Variants in JAKMIP2 observed in about 807,000 individuals in gnomAD.
The protein encoded by JAKMIP2 is janus kinase and microtubule-interacting protein 2.
In JAKMIP2, 25 loss-of-function variants were observed where a neutral mutation model predicts 115.0. The observed-to-expected ratio is 0.22, with a 90% CI of 0.16 to 0.30. The LOEUF is 0.30. Ranked by LOEUF, JAKMIP2 falls within the 10% of genes least tolerant of loss-of-function variation. JAKMIP2 has a pLI of 1.00. For synonymous variants in JAKMIP2, 334 were observed against 343.6 expected, an observed-to-expected ratio of 0.97 and a Z score of 0.31; for missense variants, 642 against 957.6, an observed-to-expected ratio of 0.67 and a Z score of 4.35.
intron 16 of JAKMIP2, among the ~76,000 whole-genome samples, chr5:147,628,194 T>C (rs1198032135): frequency 6.6e-6 from 1 of 152,160 alleles, no homozygotes; most frequent in Non-Finnish European, 1.5e-5. Context: ...GCTTTATGCA[T>C]TGATTCATGA....
chr5:147,640,042 T>C (rs904816432), intron 9 of JAKMIP2, among the ~76,000 whole-genome samples: 46 of 152,192 alleles, frequency 3.0e-4, no homozygotes, highest in African/African-American at 1.1e-3. Context: ...ATGTAGTCAA[T>C]TTTGGATCCA....
intron 1 of JAKMIP2, among the ~76,000 whole-genome samples, chr5:147,686,311 C>A (rs150029301): frequency 2.3e-3 from 343 of 151,942 alleles, no homozygotes; most frequent in African/African-American, 7.9e-3. Context: ...TTGAATAAAT[C>A]GTTTTTTTGG....
At chr5:147,694,236 C>A (rs551565801) in intron 1 of JAKMIP2, among the ~76,000 whole-genome samples, 13 of 152,222 alleles carry the variant, frequency 8.5e-5, no homozygotes, top group Admixed American at 2.0e-4. Flanking sequence ...TTAGAAAAAA[C>A]CCCTTTAATG....
At chr5:147,700,678 A>G (rs1441814358) in intron 1 of JAKMIP2, among the ~76,000 whole-genome samples, 7 of 152,188 alleles carry the variant, frequency 4.6e-5, no homozygotes, top group African/African-American at 1.7e-4. Flanking sequence ...CCAAGTCTAG[A>G]TTCTCAGCCC....
chr5:147,765,958 A>G (rs1755140928), intron 1 of JAKMIP2, among the ~76,000 whole-genome samples: 1 of 152,114 alleles, frequency 6.6e-6, no homozygotes, highest in Non-Finnish European at 1.5e-5. Flanking sequence ...GATACTCTTT[A>G]TATCTTCATT....
At chr5:147,641,583 C>A (rs1757881233) in intron 8 of JAKMIP2, 125 bp downstream of exon 8, 2 of 627,282 alleles carry the variant, frequency 3.2e-6, no homozygotes, top group Non-Finnish European at 5.7e-6. Context: ...GCAAATAATG[C>A]CCATGGTTTG....
chr5:147,597,174 C>A (rs553960931), intron 21 of JAKMIP2, among the ~76,000 whole-genome samples: 1 of 151,952 alleles, frequency 6.6e-6, no homozygotes, highest in East Asian at 1.9e-4. Context: ...TGAGCCACCG[C>A]GCCTGGCCGA....
chr5:147,742,130 T>C (rs531138692), intron 1 of JAKMIP2, among the ~76,000 whole-genome samples: 2 of 140,238 alleles, frequency 1.4e-5, no homozygotes, highest in East Asian at 4.5e-4. Flanking sequence ...GCATTAGCCC[T>C]GTGGATCATT....
chr5:147,753,976 C>T (rs542364158), intron 1 of JAKMIP2, among the ~76,000 whole-genome samples: 4 of 152,264 alleles, frequency 2.6e-5, no homozygotes, highest in Admixed American at 6.5e-5. Context: ...GTCCTCCTAA[C>T]GCAATGATGC....
chr5:147,671,786 A>G lies in JAKMIP2; in HGVS notation c.21T>C (p.Asn7=). Residue 7 remains asparagine (N), a synonymous_variant, in exon 2 of 22, where the codon AAT becomes AAC. Transcript: ENST00000616793. MSKKGR[N]KGEKPEALIV... Reference sequence around the variant, plus strand: ...TGAGTGCCTCGGGCTTCTCGCCCTTATTTCGCCCTTTCTTGGACATTGTTC... The same window carrying G: ...TGAGTGCCTCGGGCTTCTCGCCCTTGTTTCGCCCTTTCTTGGACATTGTTC... 1 of 1,584,328 alleles carries G rather than the reference A, an allele frequency of 6.3e-7. No homozygotes were observed.
chr5:147,610,780 C>T (rs954267437), intron 20 of JAKMIP2, among the ~76,000 whole-genome samples: 3 of 152,218 alleles, frequency 2.0e-5, no homozygotes, highest in African/African-American at 7.2e-5. Context: ...AAGCTGCACC[C>T]ACAGCTGCCC....
chr5:147,702,123 T>C (rs1752344764), intron 1 of JAKMIP2, among the ~76,000 whole-genome samples: 1 of 152,164 alleles, frequency 6.6e-6, no homozygotes, highest in Admixed American at 6.5e-5. Context: ...CACTTTTGTC[T>C]AGTGAAACCC....
intron 1 of JAKMIP2, among the ~76,000 whole-genome samples, chr5:147,690,752 G>C (rs1449112102): frequency 2.0e-5 from 3 of 152,072 alleles, no homozygotes; most frequent in South Asian, 2.1e-4. Context: ...TCTCAGGTGA[G>C]TGTGTAGCTC....
chr5:147,765,717 G>A (rs962500125), intron 1 of JAKMIP2, among the ~76,000 whole-genome samples: 19 of 152,008 alleles, frequency 1.2e-4, no homozygotes, highest in East Asian at 9.7e-4. Flanking sequence ...CTTGGGAAAT[G>A]CAAGTCAACA....
At chr5:147,634,213 CTTTAT>C (rs1461729149) in intron 12 of JAKMIP2, among the ~76,000 whole-genome samples, 3 of 152,142 alleles carry the variant, frequency 2.0e-5, no homozygotes, top group Non-Finnish European at 4.4e-5. Context: ...TCTGCCATCC[CTTTAT>C]TTTGTTTATT....
intron 1 of JAKMIP2, among the ~76,000 whole-genome samples, chr5:147,714,150 A>G (rs927226047): frequency 8.5e-5 from 13 of 152,322 alleles, no homozygotes; most frequent in Admixed American, 8.5e-4. Flanking sequence ...CCAAAAGACA[A>G]CAGAAACACA....
intron 1 of JAKMIP2, among the ~76,000 whole-genome samples, chr5:147,745,635 G>A (rs1389528775): frequency 6.6e-6 from 1 of 152,130 alleles, no homozygotes; most frequent in Non-Finnish European, 1.5e-5. Flanking sequence ...ATCTGCCACT[G>A]AGCCTGCAAA....
rs373129937 is a variant in JAKMIP2, at chr5:147,770,302, A to G, written c.-149+12154T>C. Among the ~76,000 whole-genome samples the G allele has an allele frequency of 5.3e-5, 8 of 152,212 alleles. 1 individual carries two copies. The East Asian group carries it at 1.5e-3, about 29-fold the overall frequency. On this transcript the variant is annotated intron_variant, in intron 1 of 21. Coordinates refer to ENST00000616793, the MANE Select transcript of JAKMIP2 (RefSeq NM_001270941.2). ...TATTTGACTATCTACAGTGACTCCA[A>G]AGGACTTCTGAAAAATTGCTCCACC...
At position 147,586,316 on chromosome 5, in the gene JAKMIP2, T is replaced by A. The variant is rs891442379; in HGVS notation, c.*5391A>T. On this transcript the variant is annotated 3_prime_UTR_variant, in exon 22 of 22. Coordinates refer to ENST00000616793, the MANE Select transcript of JAKMIP2 (RefSeq NM_001270941.2). The stretch of plus-strand genomic sequence containing the variant: ...TGCATATATTTACATCACATATTTA[T>A]AAAAATGTTTGGATTTTGATCTGCC... The A allele has an allele frequency of 3.9e-5, 6 of 152,178 alleles. No individual in the cohort carries two copies. In the East Asian group the frequency reaches 1.2e-3, roughly 29 times the overall value. 9.4% of individuals were successfully genotyped at this position (152,178 alleles called of 1,614,324 possible). A position where few individuals can be genotyped will look rare whatever the true frequency, so the allele number is the denominator to read the frequency against.
Sources: allele counts gnomAD v4.1 joint callset (sites outside exome capture counted in the v4.1 genomes callset), GRCh38; gene constraint gnomAD v4.1.1; transcripts MANE v1.5; gene names NCBI Gene and HGNC (gene_info 2026-07-23, HGNC 2026-07-21).